PTPN12: variants seen among roughly 807,000 people sequenced by gnomAD.
The protein encoded by PTPN12 is protein tyrosine phosphatase non-receptor type 12.
PTPN12 carries 29 observed loss-of-function variants against 97.6 expected under a neutral mutation model. The observed-to-expected ratio is 0.30, with a 90% CI of 0.22 to 0.41. PTPN12 has a LOEUF of 0.41. PTPN12 is among the 10% of genes least tolerant of loss of function. PTPN12 has a pLI of 1.00. For missense variants in PTPN12, 819 were observed against 926.0 expected (o/e 0.88, Z 1.50); for synonymous variants, 327 against 300.4 (o/e 1.09, Z -0.91).
At chr7:77,594,347 A>G (rs1031314354) in intron 6 of PTPN12, among the ~76,000 whole-genome samples, 3 of 152,188 alleles carry the variant, frequency 2.0e-5, no homozygotes, top group African/African-American at 7.2e-5. Context: ...TTTGGCTTGA[A>G]TAATACCCAA....
intron 6 of PTPN12, among the ~76,000 whole-genome samples, chr7:77,597,245 T>C (rs922897842): frequency 1.3e-5 from 2 of 152,190 alleles, no homozygotes; most frequent in African/African-American, 4.8e-5. Context: ...TGCCTCAACC[T>C]CCTGAGTAGC....
At chr7:77,587,230 A>C (rs1787718940) in intron 5 of PTPN12, among the ~76,000 whole-genome samples, 1 of 152,174 alleles carries the variant, frequency 6.6e-6, no homozygotes, top group African/African-American at 2.4e-5. Flanking sequence ...TGTTTCTTAA[A>C]TAATAAGACT....
intron 13 of PTPN12, among the ~76,000 whole-genome samples, chr7:77,632,039 G>A (rs1381143443): frequency 1.3e-5 from 2 of 152,186 alleles, no homozygotes; most frequent in Non-Finnish European, 2.9e-5. Context: ...AACATCATCA[G>A]TAAGCTCAGT....
At chr7:77,556,556 A>G (rs1807720675) in intron 1 of PTPN12, among the ~76,000 whole-genome samples, 1 of 152,074 alleles carries the variant, frequency 6.6e-6, no homozygotes, top group African/African-American at 2.4e-5. Flanking sequence ...TGTTAAGAAG[A>G]ATGGAATATT....
At chr7:77,592,061 GC>G in intron 5 of PTPN12, 123 bp from the exon 6 acceptor site, 2 of 768,130 alleles carry the variant, frequency 2.6e-6, no homozygotes, top group Non-Finnish European at 4.3e-6. Flanking sequence ...CTCCATGCCT[GC>G]TAATGTGGGT....
At chr7:77,630,799 C>A (rs913650126) in intron 13 of PTPN12, among the ~76,000 whole-genome samples, 2 of 152,130 alleles carry the variant, frequency 1.3e-5, no homozygotes, top group African/African-American at 4.8e-5. Context: ...ACAGAAGGCC[C>A]CATACAGTGT....
At position 77,618,489 on chromosome 7, in the gene PTPN12, A is replaced by G. The variant is rs1788826844; in HGVS notation, c.949A>G (p.Asn317Asp). 6.3e-7 allele frequency: 1 copy of G among 1,591,758 alleles called. No homozygotes were observed. The highest frequency in any genetic ancestry group is 8.6e-7 in the Non-Finnish European group (1 of 1,166,828). Residue 317 changes from asparagine (N) to aspartate (D), a missense_variant, in exon 12 of 18, where the codon AAC becomes GAC. This residue lies in a region of PTPN12 where 607 missense variants were observed against 577.3 expected (regional missense o/e 1.05). Coordinates refer to ENST00000248594, the MANE Select transcript of PTPN12 (RefSeq NM_002835.4). Reference protein sequence around the residue: ...QKIADGVNEINTENMVSSIEP... With the variant: ...QKIADGVNEIDTENMVSSIEP... ...TTTTTTCCCTTGGCAGAATGAAATT[A>G]ACACTGAAAACATGGTCAGCTCCAT...
chr7:77,547,989 G>A (rs995773073), intron 1 of PTPN12, among the ~76,000 whole-genome samples: 3 of 152,156 alleles, frequency 2.0e-5, no homozygotes, highest in African/African-American at 7.2e-5. Flanking sequence ...TTTTGATGAG[G>A]AGTGTTTTGA....
At chr7:77,635,701 A>T in intron 14 of PTPN12, 81 bp from the exon 15 acceptor site, 3 of 793,608 alleles carry the variant, frequency 3.8e-6, no homozygotes, top group Non-Finnish European at 5.5e-6. Context: ...AATCTTTAGG[A>T]TCTGTTTTTT....
chr7:77,545,180 T>G (rs9886084), intron 1 of PTPN12, among the ~76,000 whole-genome samples: 27,797 of 152,110 alleles, frequency 0.18, 2,977 homozygotes, highest in African/African-American at 0.3. Context: ...AGATATCATG[T>G]CATCGGTATC....
intron 13 of PTPN12, among the ~76,000 whole-genome samples, chr7:77,628,915 G>A (rs780341952): frequency 2.2e-4 from 34 of 152,036 alleles, no homozygotes; most frequent in Non-Finnish European, 4.1e-4. Context: ...CACACATACT[G>A]TATTTTTTAA....
At chr7:77,580,247 A>G (rs1787471582) in intron 2 of PTPN12, among the ~76,000 whole-genome samples, 1 of 152,238 alleles carries the variant, frequency 6.6e-6, no homozygotes. Context: ...GAAGATCTGT[A>G]GTCCAGGAGT....
intron 6 of PTPN12, 87 bp downstream of exon 6, chr7:77,592,343 A>G: frequency 6.1e-6 from 7 of 1,138,608 alleles, no homozygotes; most frequent in East Asian, 2.6e-5. Context: ...GTATGAACCC[A>G]GGCTTATAGA....
intron 1 of PTPN12, among the ~76,000 whole-genome samples, chr7:77,562,453 A>C (rs1275891507): frequency 6.6e-6 from 1 of 152,152 alleles, no homozygotes; most frequent in Non-Finnish European, 1.5e-5. Context: ...GCCCCTATGA[A>C]GACTAAGTGG....
intron 2 of PTPN12, among the ~76,000 whole-genome samples, chr7:77,580,713 TAAC>T (rs1787487167): frequency 6.6e-6 from 1 of 152,194 alleles, no homozygotes; most frequent in Non-Finnish European, 1.5e-5. Flanking sequence ...TACCTAATAA[TAAC>T]TATTATTAGC....
At position 77,635,869 on chromosome 7, in the gene PTPN12, G is replaced by A; in HGVS notation, c.2142+20G>A. 1 of 1,556,332 alleles carries A rather than the reference G, an allele frequency of 6.4e-7. No individual in the cohort carries two copies. Among genetic ancestry groups the A allele is most frequent in the South Asian group, 1.2e-5 (1 of 85,722 alleles). ...TCTGAAGTAAGTCCTTTTGGAATTG[G>A]AACAGTTATAGCTTAACATTTCTAC... On this transcript the variant is annotated intron_variant, in intron 15 of 17. Transcript: ENST00000248594.
intron 17 of PTPN12, 178 bp from the exon 18 acceptor site, chr7:77,639,041 G>A (rs1235993037): frequency 1.5e-6 from 1 of 652,088 alleles, no homozygotes; most frequent in Non-Finnish European, 2.4e-6. Flanking sequence ...ATCATTTTCA[G>A]TTATTCCAAA....
intron 12 of PTPN12, among the ~76,000 whole-genome samples, chr7:77,625,554 G>C (rs6971132): frequency 1.3e-4 from 2 of 14,914 alleles, no homozygotes; most frequent in Non-Finnish European, 2.0e-4. Context: ...TCTCTCTCTC[G>C]CTCTCTCTCT....
At chr7:77,576,940 C>T (rs987785617) in intron 2 of PTPN12, among the ~76,000 whole-genome samples, 4 of 152,110 alleles carry the variant, frequency 2.6e-5, no homozygotes, top group Non-Finnish European at 4.4e-5. Flanking sequence ...GCTGGGAGGG[C>T]GGGGAGCAAT....
Sources: allele counts gnomAD v4.1 joint callset (sites outside exome capture counted in the v4.1 genomes callset), GRCh38; gene constraint gnomAD v4.1.1; regional missense constraint gnomAD v4.1.1; transcripts MANE v1.5; gene names NCBI Gene and HGNC (gene_info 2026-07-23, HGNC 2026-07-21).